The following NKPD1 variants were observed in gnomAD, a reference collection of about 807,000 sequenced individuals.
NKPD1 encodes the protein NTPase KAP family P-loop domain containing 1, also known as NTPase KAP family P-loop domain-containing protein 1.
In NKPD1, 37 loss-of-function variants were observed where a neutral mutation model predicts 42.2. That is an observed-to-expected ratio of 0.88 (90% CI 0.67 to 1.15). The LOEUF is 1.15. NKPD1 is among the 50% of genes most tolerant of loss of function. The pLI, the probability that NKPD1 is intolerant of heterozygous loss-of-function variation, is 0.00. For synonymous variants in NKPD1, 552 were observed against 536.5 expected, an observed-to-expected ratio of 1.03 and a Z score of -0.40; for missense variants, 1,113 against 1,174.6, an observed-to-expected ratio of 0.95 and a Z score of 0.77.
chr19:45,157,386 T>G (rs1968923102), intron 3 of NKPD1, among the ~76,000 whole-genome samples: 1 of 152,196 alleles, frequency 6.6e-6, no homozygotes, highest in Non-Finnish European at 1.5e-5. Context: ...CTGTCCCTGC[T>G]TTATTTTTAC....
Position 45,151,970 on chromosome 19 carries a change from G to A in NKPD1, c.2467C>T (p.Arg823Cys), listed in dbSNP as rs751798568. Residue 823 changes from arginine to cysteine, a missense_variant, in exon 5 of 5, where the codon CGT becomes TGT. Around this residue, in one of 3 missense-constraint regions of NKPD1, gnomAD observed 867 missense variants for 870.1 expected, o/e 1.00. Coordinates refer to ENST00000686631, the MANE Select transcript of NKPD1 (RefSeq NM_198478.4). ...CCACCTGGGCTGGATTGCCCTGGACGGAAGAGCGCACAGGCCACCGGCCAT... is the reference window on the plus strand; with the variant it reads ...CCACCTGGGCTGGATTGCCCTGGACAGAAGAGCGCACAGGCCACCGGCCAT... The part of the protein sequence containing the change: ...KLWPVACALF[R>C]PGQSSPGGP 5 of 1,594,258 alleles carry A rather than the reference G, an allele frequency of 3.1e-6. No homozygotes were observed. The South Asian group carries it at 5.6e-5, about 18-fold the overall frequency.
chr19:45,152,546 T>C lies in NKPD1; in HGVS notation c.1891A>G (p.Ile631Val). The change falls in exon 5 of 5, where the codon ATC (isoleucine) becomes GTC (valine). Residue 631 changes from isoleucine to valine, a missense_variant. Physicochemically the swap from Ile to Val is conservative, Grantham distance 29. Transcript: ENST00000686631. ...SMRRIVNTVP[I>V]TVRLLQQQQQ... ...TGCTGCTGCAGCAGGCGCACGGTGA[T>C]GGGCACGGTGTTGACGATGCGCCGC... 6.3e-7 allele frequency: 1 copy of C among 1,584,062 alleles called. No individual in the cohort carries two copies. Among genetic ancestry groups the C allele is most frequent in the Non-Finnish European group, 8.5e-7 (1 of 1,174,072 alleles).
Position 45,152,377 on chromosome 19 carries a change from C to G in NKPD1, c.2060G>C (p.Arg687Pro). The change falls in exon 5 of 5, where the codon CGC becomes CCC. Residue 687 changes from arginine to proline, a missense_variant. Arg to Pro is a moderately radical substitution (Grantham distance 103, BLOSUM62 -2). Coordinates refer to ENST00000686631, the MANE Select transcript of NKPD1 (RefSeq NM_198478.4). ...RQQTGGAPEGRARLWDVFRDN... is the reference protein window; with the variant it reads ...RQQTGGAPEGPARLWDVFRDN... The stretch of plus-strand genomic sequence containing the variant: ...GCGGAAAACGTCCCAGAGGCGCGCG[C>G]GGCCCTCGGGCGCGCCCCCGGTCTG... The G allele has an allele frequency of 6.3e-7, 1 of 1,588,776 alleles. No individual in the cohort carries two copies. The highest frequency in any genetic ancestry group is 8.6e-7 in the Non-Finnish European group (1 of 1,168,608).
At chr19:45,159,837 C>T (rs933884443) in intron 2 of NKPD1, among the ~76,000 whole-genome samples, 1 of 152,210 alleles carries the variant, frequency 6.6e-6, no homozygotes. Context: ...GCAGGCCAGG[C>T]GGCCCCTGCT....
chr19:45,155,707 G>A (rs1968888836), intron 4 of NKPD1, 78 bp downstream of exon 4: 3 of 1,234,936 alleles, frequency 2.4e-6, no homozygotes, highest in South Asian at 1.4e-5. Flanking sequence ...GGGGGGATCT[G>A]GGGGAAGCCT....
At chr19:45,159,427 C>T (rs560937014) in intron 2 of NKPD1, among the ~76,000 whole-genome samples, 1 of 152,136 alleles carries the variant, frequency 6.6e-6, no homozygotes, top group South Asian at 2.1e-4. Context: ...GCCGCCAGTG[C>T]AGGGGTCAGG....
At chr19:45,159,963 C>T (rs1968976018) in intron 2 of NKPD1, 97 bp downstream of exon 2, 2 of 655,788 alleles carry the variant, frequency 3.0e-6, no homozygotes, top group African/African-American at 1.9e-5. Flanking sequence ...TGGCTTTTCT[C>T]TCCTGGGGAT....
At position 45,160,208 on chromosome 19, in the gene NKPD1, G is replaced by A; in HGVS notation, c.-58C>T. The A allele has an allele frequency of 1.1e-5, 12 of 1,077,896 alleles. No individual in the cohort carries two copies. Among genetic ancestry groups the A allele is most frequent in the Non-Finnish European group, 1.5e-5 (12 of 786,696 alleles). 66.8% of individuals were successfully genotyped at this position (1,077,896 alleles called of 1,614,324 possible). The stretch of plus-strand genomic sequence containing the variant: ...TCCTGAGGCAGGAGGGAGCACACAG[G>A]CTTGGCGTAGCCTCTGGGGCACGAA... On this transcript the variant is annotated 5_prime_UTR_variant, in exon 2 of 5. Transcript: ENST00000686631.
upstream of NKPD1, among the ~76,000 whole-genome samples, chr19:45,161,808 C>T (rs182043716): frequency 4.7e-4 from 72 of 152,316 alleles, no homozygotes; most frequent in African/African-American, 1.6e-3. Context: ...TGGCTGCTGG[C>T]GTAACGGGGT....
intron 1 of NKPD1, among the ~76,000 whole-genome samples, chr19:45,160,688 G>A (rs1319756431): frequency 6.6e-6 from 1 of 152,088 alleles, no homozygotes; most frequent in African/African-American, 2.4e-5. Flanking sequence ...TGATACGGTG[G>A]AGGGGGAATT....
chr19:45,159,210 G>A, intron 2 of NKPD1, 110 bp from the exon 3 acceptor site: 1 of 1,087,736 alleles, frequency 9.2e-7, no homozygotes, highest in Non-Finnish European at 1.2e-6. Flanking sequence ...AGTATTCTTG[G>A]GAGCCCCAGA....
chr19:45,161,749 C>T (rs1969009444), upstream of NKPD1, among the ~76,000 whole-genome samples: 2 of 152,340 alleles, frequency 1.3e-5, no homozygotes, highest in South Asian at 4.1e-4. Context: ...TAAGGCTGGG[C>T]AGGAGATGCC....
Position 45,151,865 on chromosome 19 carries a change from A to C in NKPD1, c.*73T>G, listed in dbSNP as rs190215571. ...CATTCGGACCCTGGGTTGCGGCCCC[A>C]GTCCAGCCCCCTATTCTCCCATCTG... On this transcript the variant is annotated 3_prime_UTR_variant, in exon 5 of 5. Transcript: ENST00000686631. 3.8e-4 allele frequency: 539 copies of C among 1,417,838 alleles called. No homozygotes were observed. In the African/African-American group the frequency reaches 7.5e-3, roughly 20 times the overall value. 87.8% of individuals were successfully genotyped at this position (1,417,838 alleles called of 1,614,324 possible). A position where few individuals can be genotyped will look rare whatever the true frequency, so the allele number is the denominator to read the frequency against.
Position 45,151,632 on chromosome 19 carries a change from C to T in NKPD1, c.*306G>A, listed in dbSNP as rs115379353. Reference sequence around the variant, plus strand: ...GGATGGGGCAGGCCCTGTGGCAGGACGGGGCAGGCCTGGTCCCTGGTCAGA... The same window carrying T: ...GGATGGGGCAGGCCCTGTGGCAGGATGGGGCAGGCCTGGTCCCTGGTCAGA... On this transcript the variant is annotated 3_prime_UTR_variant, in exon 5 of 5. Coordinates refer to ENST00000686631, the MANE Select transcript of NKPD1 (RefSeq NM_198478.4). 3.9e-3 allele frequency: 1,261 copies of T among 326,500 alleles called. 13 individuals are homozygous for T. The highest frequency in any genetic ancestry group is 0.024 in the African/African-American group (1,109 of 46,528). The allele number at this position is 326,500 out of a possible 1,614,324, so 20.2% of individuals were successfully genotyped here. A position where few individuals can be genotyped will look rare whatever the true frequency, so the allele number is the denominator to read the frequency against.
chr19:45,153,210 C>A lies in NKPD1; in HGVS notation c.1227G>T (p.Lys409Asn). The change falls in exon 5 of 5, where the codon AAG (lysine) becomes AAT (asparagine). Residue 409 changes from lysine (K) to asparagine (N), a missense_variant. By Grantham distance (94) the Lys-to-Asn change is moderately conservative. This residue lies in a region of NKPD1 where 867 missense variants were observed against 870.1 expected (regional missense o/e 1.00). Transcript: ENST00000686631. Reference protein sequence around the residue: ...VGKHLFVSQRKKIERLVSREK... With the variant: ...VGKHLFVSQRNKIERLVSREK... ...CACGCGACACCAGCCGCTCGATCTTCTTGCGCTGGCTTACGAACAGGTGCT... is the reference window on the plus strand; with the variant it reads ...CACGCGACACCAGCCGCTCGATCTTATTGCGCTGGCTTACGAACAGGTGCT... The A allele has an allele frequency of 6.3e-7, 1 of 1,594,768 alleles. No individual in the cohort carries two copies. Among genetic ancestry groups the A allele is most frequent in the Non-Finnish European group, 8.5e-7 (1 of 1,171,378 alleles).
chr19:45,161,173 C>T (rs1303305866), upstream of NKPD1, among the ~76,000 whole-genome samples: 1 of 152,232 alleles, frequency 6.6e-6, no homozygotes, highest in East Asian at 1.9e-4. Context: ...CATCCCGCAG[C>T]ACTGCCTCAA....
upstream of NKPD1, among the ~76,000 whole-genome samples, chr19:45,161,842 G>A (rs77988397): frequency 5.1e-3 from 780 of 152,306 alleles, 5 homozygotes; most frequent in African/African-American, 0.018. Context: ...CCTGACAGAC[G>A]GGGTGCTCCG....
chr19:45,162,166 C>A (rs1013486229), upstream of NKPD1, among the ~76,000 whole-genome samples: 1 of 152,150 alleles, frequency 6.6e-6, no homozygotes, highest in Non-Finnish European at 1.5e-5. Flanking sequence ...CTCCGCAGGA[C>A]GAGATTGCCC....
At chr19:45,162,159 C>T (rs543010962), upstream of NKPD1, among the ~76,000 whole-genome samples, 9 of 152,262 alleles carry the variant, frequency 5.9e-5, no homozygotes, top group South Asian at 2.1e-4. Flanking sequence ...GAGCCGTCTC[C>T]GCAGGACGAG....
Sources: allele counts gnomAD v4.1 joint callset (sites outside exome capture counted in the v4.1 genomes callset), GRCh38; gene constraint gnomAD v4.1.1; regional missense constraint gnomAD v4.1.1; transcripts MANE v1.5; gene names NCBI Gene and HGNC (gene_info 2026-07-23, HGNC 2026-07-21).